COL22A1: variants seen among roughly 807,000 people sequenced by gnomAD.
The protein encoded by COL22A1 is collagen type XXII alpha 1 chain, also known as collagen alpha-1(XXII) chain.
A neutral mutation model predicts 248.9 loss-of-function variants in COL22A1; 221 were observed. The observed-to-expected ratio is 0.89, with a 90% CI of 0.80 to 0.99. The LOEUF is 0.99. Among genes scored for constraint, COL22A1 ranks in the 50% least tolerant of loss-of-function variants. The probability of loss-of-function intolerance (pLI) is 0.00; values close to 1 mark genes in which losing one functional copy is unlikely to be tolerated. For missense variants in COL22A1, 2,240 were observed against 2,179.0 expected (o/e 1.03, Z -0.56); for synonymous variants, 891 against 793.4 (o/e 1.12, Z -2.07).
In COL22A1 at chr8:138,771,211, G is replaced by A. The variant is rs1834340283; in HGVS notation, c.1803+4755C>T. Among the ~76,000 whole-genome samples the A allele has an allele frequency of 2.0e-5, 3 of 152,200 alleles. No homozygotes were observed. In the South Asian group the frequency reaches 6.2e-4, roughly 31 times the overall value. On this transcript the variant is annotated intron_variant, in intron 16 of 64. Coordinates refer to ENST00000303045, the MANE Select transcript of COL22A1 (RefSeq NM_152888.3). ...TGAGGTTACTCCCTGCACCTCACCA[G>A]GGGATGATCTTCGCTTCCTGAGCTT... is the stretch of plus-strand genomic sequence containing the variant.
At chr8:138,882,961 C>T in intron 2 of COL22A1, 121 bp downstream of exon 2, 1 of 914,648 alleles carries the variant, frequency 1.1e-6, no homozygotes, top group Non-Finnish European at 1.6e-6. Context: ...CCGGACTCTC[C>T]CTCTCTCTCA....
At chr8:138,703,470 G>A in intron 30 of COL22A1, 123 bp from the exon 31 acceptor site, 1 of 818,396 alleles carries the variant, frequency 1.2e-6, no homozygotes, top group Non-Finnish European at 2.1e-6. Flanking sequence ...GCAGGGTGCA[G>A]GTAGGTGCAC....
intron 44 of COL22A1, among the ~76,000 whole-genome samples, chr8:138,657,672 C>T (rs1231348855): frequency 1.3e-5 from 2 of 152,186 alleles, no homozygotes; most frequent in African/African-American, 4.8e-5. Context: ...CCGTCTCTGC[C>T]TTCTATGAGT....
At chr8:138,776,066 C>T in intron 15 of COL22A1, 56 bp from the exon 16 acceptor site, 1 of 1,579,814 alleles carries the variant, frequency 6.3e-7, no homozygotes, top group Non-Finnish European at 8.7e-7. Flanking sequence ...TCTCTGTGCT[C>T]ACCGTGGGGG....
chr8:138,698,451 T>C lies in COL22A1; in HGVS notation c.2592+1661A>G, dbSNP rs78555342. ...CCCTCAAGGCTGTTAGGAGGCTTGGTTGCAGCAGTGCCAGGAAAACGCCCG... is the reference window on the plus strand; with the variant it reads ...CCCTCAAGGCTGTTAGGAGGCTTGGCTGCAGCAGTGCCAGGAAAACGCCCG... On this transcript the variant is annotated intron_variant, in intron 32 of 64. Transcript: ENST00000303045. 9.1e-3 allele frequency among the ~76,000 whole-genome samples: 1,389 copies of C among 152,286 alleles called. 23 individuals are homozygous for C. Among genetic ancestry groups the C allele is most frequent in the African/African-American group, 0.031 (1,297 of 41,550 alleles).
chr8:138,639,658 G>T (rs139436794), intron 47 of COL22A1, among the ~76,000 whole-genome samples: 473 of 151,968 alleles, frequency 3.1e-3, no homozygotes, highest in African/African-American at 0.01. Flanking sequence ...TTTTAGGGGG[G>T]GTCTCTTTGA....
At chr8:138,813,462 A>G (rs1044360244) in intron 7 of COL22A1, among the ~76,000 whole-genome samples, 9 of 152,176 alleles carry the variant, frequency 5.9e-5, no homozygotes, top group Admixed American at 1.3e-4. Context: ...TTCTTCTGCC[A>G]TGACTGTGAG....
chr8:138,660,858 A>C (rs1823793996), intron 43 of COL22A1, among the ~76,000 whole-genome samples: 1 of 99,008 alleles, frequency 1.0e-5, no homozygotes, highest in Non-Finnish European at 2.5e-5. Flanking sequence ...ACACATACAC[A>C]GACACACAAA....
chr8:138,900,029 C>T (rs188939560), intron 1 of COL22A1, among the ~76,000 whole-genome samples: 27 of 152,260 alleles, frequency 1.8e-4, no homozygotes, highest in African/African-American at 6.3e-4. Flanking sequence ...GCTGTTTCTC[C>T]TGCATTGCTT....
chr8:138,598,739 G>C lies in COL22A1; in HGVS notation c.4345C>G (p.Pro1449Ala). 1 of 1,613,668 alleles carries C rather than the reference G, an allele frequency of 6.2e-7. No homozygotes were observed. Among genetic ancestry groups the C allele is most frequent in the Non-Finnish European group, 8.5e-7 (1 of 1,179,846 alleles). ...CTTACCCTCAGTCCTGGAAATCCCG[G>C]CTGGCCTGGAGGCCCTGGGGGTCCA... ...PVGPPGPPGQ[P>A]GFPGLRGESP... The change falls in exon 61 of 65, where the codon CCG becomes GCG. Residue 1449 changes from proline (P) to alanine (A), a missense_variant. Physicochemically the swap from Pro to Ala is conservative, Grantham distance 27 (BLOSUM62 -1). Transcript: ENST00000303045.
At chr8:138,751,106 T>C (rs1398731516) in intron 22 of COL22A1, among the ~76,000 whole-genome samples, 2 of 152,192 alleles carry the variant, frequency 1.3e-5, no homozygotes, top group African/African-American at 4.8e-5. Context: ...AGATATGATA[T>C]TCAATAATGG....
intron 6 of COL22A1, among the ~76,000 whole-genome samples, 180 bp from the exon 7 acceptor site, chr8:138,821,591 C>A (rs76559960): frequency 2.0e-5 from 3 of 152,292 alleles, no homozygotes; most frequent in Non-Finnish European, 4.4e-5. Flanking sequence ...CTGAGAGCCT[C>A]GGGTTCCTCC....
chr8:138,702,063 C>T (rs1828017803), intron 31 of COL22A1, among the ~76,000 whole-genome samples: 1 of 152,164 alleles, frequency 6.6e-6, no homozygotes, highest in African/African-American at 2.4e-5. Context: ...TTTAAAAATG[C>T]ACACATACAA....
intron 11 of COL22A1, among the ~76,000 whole-genome samples, chr8:138,801,694 C>T (rs531614838): frequency 3.3e-5 from 5 of 152,122 alleles, no homozygotes; most frequent in Non-Finnish European, 7.4e-5. Flanking sequence ...GCCTGGCCAA[C>T]GTGGTGAAAC....
chr8:138,832,180 C>A (rs1336877304), intron 5 of COL22A1, among the ~76,000 whole-genome samples: 1 of 152,112 alleles, frequency 6.6e-6, no homozygotes, highest in Non-Finnish European at 1.5e-5. Context: ...GAATAATCCA[C>A]CCTTTGTTTA....
chr8:138,828,398 C>T (rs1019431815), intron 5 of COL22A1, among the ~76,000 whole-genome samples: 1 of 152,050 alleles, frequency 6.6e-6, no homozygotes, highest in African/African-American at 2.4e-5. Flanking sequence ...ACCCAAGGTT[C>T]GCTGGGGGGT....
intron 62 of COL22A1, among the ~76,000 whole-genome samples, chr8:138,595,946 G>A (rs1399023881): frequency 2.0e-5 from 3 of 152,208 alleles, no homozygotes; most frequent in African/African-American, 7.2e-5. Context: ...AGAGAGCTTG[G>A]TGATGAAGAA....
At chr8:138,709,422 A>T (rs1828759683) in intron 30 of COL22A1, among the ~76,000 whole-genome samples, 2 of 152,078 alleles carry the variant, frequency 1.3e-5, no homozygotes, top group African/African-American at 4.8e-5. Context: ...GATTAAGAAA[A>T]TGTGGCACAT....
At chr8:138,595,817 T>C (rs1298472723) in intron 62 of COL22A1, among the ~76,000 whole-genome samples, 3 of 152,088 alleles carry the variant, frequency 2.0e-5, no homozygotes, top group Non-Finnish European at 4.4e-5. Context: ...CCTCCCCTTT[T>C]GTCCTTGTGC....
Sources: allele counts gnomAD v4.1 joint callset (sites outside exome capture counted in the v4.1 genomes callset), GRCh38; gene constraint gnomAD v4.1.1; transcripts MANE v1.5; gene names NCBI Gene and HGNC (gene_info 2026-07-23, HGNC 2026-07-21).